The following NRXN3 variants were observed in gnomAD, a reference collection of about 807,000 sequenced individuals.
NRXN3 encodes the protein neurexin III.
Under a neutral mutation model 137.6 loss-of-function variants are expected in NRXN3, and 32 were observed. That is an observed-to-expected ratio of 0.23 (90% CI 0.18 to 0.31). The LOEUF (loss-of-function observed/expected upper bound fraction) is 0.31. NRXN3 is among the 10% of genes least tolerant of loss of function. NRXN3 has a pLI of 1.00. For missense variants in NRXN3, 1,574 were observed against 2,062.5 expected (o/e 0.76, Z 4.59); for synonymous variants, 798 against 784.5 (o/e 1.02, Z -0.29).
At chr14:78,254,807 G>T (rs751487224) in intron 2 of NRXN3, among the ~76,000 whole-genome samples, 7 of 151,978 alleles carry the variant, frequency 4.6e-5, no homozygotes, top group African/African-American at 9.7e-5. Context: ...TAAAGATTTC[G>T]CTAAAAGGCC....
At chr14:78,456,989 CTCT>C (rs1230065777) in intron 4 of NRXN3, among the ~76,000 whole-genome samples, 20 of 147,688 alleles carry the variant, frequency 1.4e-4, no homozygotes, top group Non-Finnish European at 3.0e-5. Context: ...CCTCCTTCTC[CTCT>C]TCTTCTTTCT....
intron 20 of NRXN3, among the ~76,000 whole-genome samples, chr14:79,811,656 A>T (rs1455250760): frequency 1.5e-5 from 2 of 137,366 alleles, no homozygotes; most frequent in African/African-American, 5.6e-5. Context: ...ATCTCGGCTC[A>T]CTGCAAGCTC....
chr14:79,115,235 G>C (rs946691364), intron 15 of NRXN3, among the ~76,000 whole-genome samples: 1 of 149,604 alleles, frequency 6.7e-6, no homozygotes, highest in African/African-American at 2.5e-5. Flanking sequence ...TGAGGCAGGA[G>C]AATCGCTTGA....
Position 78,966,237 on chromosome 14 carries a change from G to T in NRXN3, c.2608G>T (p.Ala870Ser). ...TCGTTTTGGACTGAGGAACATCATC[G>T]CTGACCCTGTCACCTTTAAGACCAA... ...KARFGLRNII[A>S]DPVTFKTKSS... Residue 870 changes from alanine to serine, a missense_variant, in exon 12 of 21, where the codon GCT (alanine) becomes TCT (serine). Physicochemically the swap from Ala to Ser is moderately conservative, Grantham distance 99. Around this residue, in one of 5 missense-constraint regions of NRXN3, gnomAD observed 718 missense variants for 887.6 expected, o/e 0.81. Coordinates refer to ENST00000335750, the MANE Select transcript of NRXN3 (RefSeq NM_001330195.2). 1 of 1,614,098 alleles carries T rather than the reference G, an allele frequency of 6.2e-7. No homozygotes were observed. The highest frequency in any genetic ancestry group is 1.1e-5 in the South Asian group (1 of 91,072).
At chr14:78,233,566 G>A (rs570506760) in intron 1 of NRXN3, among the ~76,000 whole-genome samples, 1 of 151,584 alleles carries the variant, frequency 6.6e-6, no homozygotes, top group African/African-American at 2.4e-5. Flanking sequence ...TCATTTGGAG[G>A]TAATCTGCTT....
intron 1 of NRXN3, among the ~76,000 whole-genome samples, chr14:78,209,981 T>G (rs1259236185): frequency 1.3e-5 from 2 of 152,238 alleles, no homozygotes; most frequent in African/African-American, 2.4e-5. Context: ...AAGGCAAGTA[T>G]TTTAATCTGT....
At chr14:79,432,068 G>A (rs953388775) in intron 15 of NRXN3, among the ~76,000 whole-genome samples, 7 of 151,882 alleles carry the variant, frequency 4.6e-5, no homozygotes, top group Admixed American at 1.3e-4. Flanking sequence ...AATAATTACC[G>A]AATTAATTAT....
chr14:79,399,564 A>G (rs2095130299), intron 15 of NRXN3, among the ~76,000 whole-genome samples: 2 of 152,334 alleles, frequency 1.3e-5, no homozygotes, highest in Middle Eastern at 3.4e-3. Flanking sequence ...GTGGGGAACA[A>G]GCTCATTAGA....
intron 6 of NRXN3, among the ~76,000 whole-genome samples, chr14:78,704,278 A>G (rs938956178): frequency 6.6e-6 from 1 of 152,214 alleles, no homozygotes; most frequent in Non-Finnish European, 1.5e-5. Flanking sequence ...ATTGGTAGGT[A>G]ATAAAAGGAT....
At chr14:79,387,476 G>A (rs1237884282) in intron 15 of NRXN3, among the ~76,000 whole-genome samples, 1 of 152,050 alleles carries the variant, frequency 6.6e-6, no homozygotes, top group East Asian at 1.9e-4. Context: ...AGGATGTGGA[G>A]AAATAGGAAC....
At chr14:79,791,192 T>C (rs930181778) in intron 19 of NRXN3, 4 of 152,082 alleles carry the variant, frequency 2.6e-5, no homozygotes, top group African/African-American at 9.7e-5. Context: ...CCCTGGGTAT[T>C]GCTAGAATGT....
At chr14:78,925,209 A>G (rs549285334) in intron 10 of NRXN3, among the ~76,000 whole-genome samples, 1 of 152,350 alleles carries the variant, frequency 6.6e-6, no homozygotes, top group South Asian at 2.1e-4. Flanking sequence ...CTGTCTAGAA[A>G]TCAATTGTTA....
intron 15 of NRXN3, among the ~76,000 whole-genome samples, chr14:79,076,465 CT>C (rs1416622866): frequency 3.9e-5 from 6 of 152,134 alleles, no homozygotes; most frequent in Non-Finnish European, 5.9e-5. Flanking sequence ...AAGCCCTTAC[CT>C]ATGGCTGGTG....
intron 4 of NRXN3, among the ~76,000 whole-genome samples, chr14:78,379,614 T>G (rs1438585754): frequency 6.6e-6 from 1 of 152,168 alleles, no homozygotes; most frequent in African/African-American, 2.4e-5. Context: ...ACATTCTCAA[T>G]AAGGAGCATT....
intron 8 of NRXN3, among the ~76,000 whole-genome samples, chr14:78,720,979 G>T (rs1347419458): frequency 1.3e-5 from 2 of 152,134 alleles, no homozygotes; most frequent in Non-Finnish European, 2.9e-5. Context: ...TATATTAAGA[G>T]AAGACACACT....
intron 4 of NRXN3, among the ~76,000 whole-genome samples, chr14:78,341,768 T>C (rs1316331293): frequency 6.6e-6 from 1 of 152,196 alleles, no homozygotes; most frequent in Non-Finnish European, 1.5e-5. Flanking sequence ...TATTCAGATC[T>C]TCAACTAATA....
chr14:79,300,852 C>T (rs2153223274), intron 15 of NRXN3, among the ~76,000 whole-genome samples: 1 of 152,084 alleles, frequency 6.6e-6, no homozygotes, highest in African/African-American at 2.4e-5. Context: ...AACAATTTAC[C>T]ATAAAGTGAT....
chr14:79,712,607 CTT>C (rs1034011010), intron 19 of NRXN3, among the ~76,000 whole-genome samples: 9 of 152,272 alleles, frequency 5.9e-5, no homozygotes, highest in African/African-American at 1.9e-4. Flanking sequence ...TCCTGTAACT[CTT>C]TGTTTGTTAA....
intron 15 of NRXN3, among the ~76,000 whole-genome samples, chr14:79,132,216 C>G (rs372806881): frequency 6.6e-6 from 1 of 152,326 alleles, no homozygotes; most frequent in East Asian, 1.9e-4. Context: ...TTAAACTTAA[C>G]TTTAAAAATT....
Sources: allele counts gnomAD v4.1 joint callset (sites outside exome capture counted in the v4.1 genomes callset), GRCh38; gene constraint gnomAD v4.1.1; regional missense constraint gnomAD v4.1.1; transcripts MANE v1.5; gene names NCBI Gene and HGNC (gene_info 2026-07-23, HGNC 2026-07-21).